The following EFNA2 variants were observed in gnomAD, a reference collection of about 807,000 sequenced individuals.
The protein encoded by EFNA2 is ephrin-A2.
EFNA2 carries 18 observed loss-of-function variants against 19.7 expected under a neutral mutation model. That is an observed-to-expected ratio of 0.91 (90% CI 0.63 to 1.35). The LOEUF is 1.35. Among genes scored for constraint, EFNA2 ranks in the 40% most tolerant of loss-of-function variants. The probability of loss-of-function intolerance (pLI) is 0.00; values close to 1 mark genes in which losing one functional copy is unlikely to be tolerated. For synonymous variants in EFNA2, 187 were observed against 137.8 expected (o/e 1.36, Z -2.50); for missense variants, 303 against 296.0 (o/e 1.02, Z -0.17).
In EFNA2 at chr19:1,294,663, TGA is replaced by T. The variant is rs2144620019; in HGVS notation, c.141-874_141-873del. Among the ~76,000 whole-genome samples the T allele has an allele frequency of 7.4e-6, 1 of 135,660 alleles. No homozygotes were observed. The highest frequency in any genetic ancestry group is 2.2e-4 in the South Asian group (1 of 4,448). 89.0% of individuals were successfully genotyped at this position (135,660 alleles called of 152,430 possible). ...GGGCGGCAGGTGGAACTCGGCAGGC[TGA>T]GAGAGAGGGGGCGGTGGGCGGAACT... On this transcript the variant is annotated intron_variant, in intron 1 of 3. Transcript: ENST00000215368. This position sits in a 1 kb window ranked among gnomAD's most constrained non-coding sequence, Gnocchi z 5.8.
At position 1,286,900 on chromosome 19, in the gene EFNA2, G is replaced by C. The variant is rs970147255; in HGVS notation, c.140+592G>C. On this transcript the variant is annotated intron_variant, in intron 1 of 3. Transcript: ENST00000215368. This position sits in a 1 kb window ranked among gnomAD's most constrained non-coding sequence, Gnocchi z 5.6. ...GAGACTGAGGGGCCGGGGAGCTGGG[G>C]GTCAGCCCCGGGAGGGGCAGTGGGA... is the stretch of plus-strand genomic sequence containing the variant. Among the ~76,000 whole-genome samples the C allele has an allele frequency of 6.6e-6, 1 of 152,208 alleles. No individual in the cohort carries two copies. Among genetic ancestry groups the C allele is most frequent in the Non-Finnish European group, 1.5e-5 (1 of 68,032 alleles).
At chr19:1,289,815 C>A (rs1366136930) in intron 1 of EFNA2, among the ~76,000 whole-genome samples, 3 of 152,152 alleles carry the variant, frequency 2.0e-5, no homozygotes, top group Non-Finnish European at 4.4e-5. Context: ...AACGGGGTGT[C>A]TCGCTCCCCG....
rs2081510255 is a variant in EFNA2 at position 1,295,582 on chromosome 19, A to G, written c.178A>G (p.Thr60Ala). The change falls in exon 2 of 4, where the codon ACG becomes GCG. Residue 60 changes from threonine to alanine, a missense_variant. Physicochemically the swap from Thr to Ala is moderately conservative, Grantham distance 58. Transcript: ENST00000215368. The surrounding 1 kb of genome is among the most constrained non-coding windows in gnomAD (Gnocchi z 5.8). ...AGAGDDGGGYTVEVSINDYLD... is the reference protein window; with the variant it reads ...AGAGDDGGGYAVEVSINDYLD... ...CGCGGGGGACGACGGCGGGGGCTAC[A>G]CGGTGGAGGTGAGCATCAATGACTA... 1.9e-6 allele frequency: 3 copies of G among 1,606,998 alleles called. No individual in the cohort carries two copies. The African/African-American group carries it at 4.0e-5, about 22-fold the overall frequency.
upstream of EFNA2, among the ~76,000 whole-genome samples, chr19:1,285,162 C>T (rs958959295): frequency 6.6e-6 from 1 of 152,228 alleles, no homozygotes; most frequent in Non-Finnish European, 1.5e-5. The surrounding 1 kb of genome is among the most constrained non-coding windows in gnomAD (Gnocchi z 4.1). Context: ...AGAAATCACT[C>T]GGCGTTCCCT....
Position 1,296,352 on chromosome 19 carries a change from C to T in EFNA2, c.454+494C>T, listed in dbSNP as rs988859364. Reference sequence around the variant, plus strand: ...CACTGATGAGGGAAACTGAGGCATCCGGAGCCCAGCAGGGGAGGGGAGCTT... The same window carrying T: ...CACTGATGAGGGAAACTGAGGCATCTGGAGCCCAGCAGGGGAGGGGAGCTT... On this transcript the variant is annotated intron_variant, in intron 2 of 3. Coordinates refer to ENST00000215368, the MANE Select transcript of EFNA2 (RefSeq NM_001405.4). The surrounding 1 kb of genome is among the most constrained non-coding windows in gnomAD (Gnocchi z 4.4). Among the ~76,000 whole-genome samples the T allele has an allele frequency of 5.3e-5, 8 of 152,134 alleles. No homozygotes were observed. Among genetic ancestry groups the T allele is most frequent in the Admixed American group, 2.0e-4 (3 of 15,276 alleles).
chr19:1,289,702 G>A (rs2081482424), intron 1 of EFNA2, among the ~76,000 whole-genome samples: 2 of 152,204 alleles, frequency 1.3e-5, no homozygotes, highest in African/African-American at 4.8e-5. Flanking sequence ...CCTCGGGTGT[G>A]GGCAGCAGCC....
At chr19:1,298,472 T>C in intron 2 of EFNA2, 79 bp from the exon 3 acceptor site, 4 of 1,470,946 alleles carry the variant, frequency 2.7e-6, no homozygotes, top group Non-Finnish European at 3.8e-6. Flanking sequence ...TTCACCAAGG[T>C]GGGGAAGGGA....
In EFNA2 at chr19:1,287,985, C is replaced by T. The variant is rs551468880; in HGVS notation, c.140+1677C>T. 5.8e-4 allele frequency among the ~76,000 whole-genome samples: 88 copies of T among 152,382 alleles called. No homozygotes were observed. The highest frequency in any genetic ancestry group is 1.9e-3 in the African/African-American group (81 of 41,590). On this transcript the variant is annotated intron_variant, in intron 1 of 3. Coordinates refer to ENST00000215368, the MANE Select transcript of EFNA2 (RefSeq NM_001405.4). The surrounding 1 kb of genome is among the most constrained non-coding windows in gnomAD (Gnocchi z 6.2). ...CCGGCCAGGGGAAGGAAGTGGCCTC[C>T]CCAGTGCCTGGCTTGGCCCAGCCAC... is the stretch of plus-strand genomic sequence containing the variant.
intron 1 of EFNA2, among the ~76,000 whole-genome samples, chr19:1,292,171 C>T (rs1242206197): frequency 6.6e-6 from 1 of 152,200 alleles, no homozygotes; most frequent in East Asian, 1.9e-4. Flanking sequence ...CCCCTGCAGG[C>T]GCCACCCTCA....
intron 1 of EFNA2, among the ~76,000 whole-genome samples, chr19:1,290,482 G>T (rs540732361): frequency 6.6e-6 from 1 of 152,332 alleles, no homozygotes; most frequent in Admixed American, 6.5e-5. Flanking sequence ...CCGCAGGTCT[G>T]CAGGGGACTG....
intron 1 of EFNA2, among the ~76,000 whole-genome samples, chr19:1,291,511 G>A (rs930563799): frequency 4.6e-5 from 7 of 152,036 alleles, no homozygotes; most frequent in African/African-American, 1.7e-4. Flanking sequence ...AGGAGGGGAC[G>A]GGCGGCCTCA....
rs545975755 is a variant in EFNA2, at chr19:1,287,566, C to T, written c.140+1258C>T. On this transcript the variant is annotated intron_variant, in intron 1 of 3. Coordinates refer to ENST00000215368, the MANE Select transcript of EFNA2 (RefSeq NM_001405.4). This position sits in a 1 kb window ranked among gnomAD's most constrained non-coding sequence, Gnocchi z 6.2. ...AGGCGGGCTCGGGGACAAGGGCGGCCCGTGTTCCGCCGTGGGGGTGGGGAA... is the reference window on the plus strand; with the variant it reads ...AGGCGGGCTCGGGGACAAGGGCGGCTCGTGTTCCGCCGTGGGGGTGGGGAA... Among the ~76,000 whole-genome samples the T allele has an allele frequency of 2.6e-5, 4 of 152,234 alleles. No homozygotes were observed. In the South Asian group the frequency reaches 8.3e-4, roughly 32 times the overall value.
chr19:1,288,719 C>T (rs1335345563), intron 1 of EFNA2, among the ~76,000 whole-genome samples: 3 of 152,014 alleles, frequency 2.0e-5, no homozygotes, highest in South Asian at 2.1e-4. Flanking sequence ...CTGTGAGAGG[C>T]GATGCCTGCA....
At chr19:1,285,510 CTG>C (rs1386546478), upstream of EFNA2, among the ~76,000 whole-genome samples, 3 of 152,142 alleles carry the variant, frequency 2.0e-5, no homozygotes, top group African/African-American at 7.2e-5. This position sits in a 1 kb window ranked among gnomAD's most constrained non-coding sequence, Gnocchi z 4.1. Context: ...CGCAGGGAGA[CTG>C]GAGTTGGCCG....
At chr19:1,291,129 C>T (rs1017091139) in intron 1 of EFNA2, among the ~76,000 whole-genome samples, 5 of 152,172 alleles carry the variant, frequency 3.3e-5, no homozygotes, top group Admixed American at 1.3e-4. Flanking sequence ...GGGGCCGGCC[C>T]GGGGGAAGCC....
Position 1,294,080 on chromosome 19 carries a change from A to G in EFNA2, c.141-1465A>G, listed in dbSNP as rs1482800943. 6.6e-6 allele frequency among the ~76,000 whole-genome samples: 1 copy of G among 152,218 alleles called. No homozygotes were observed. Among genetic ancestry groups the G allele is most frequent in the Non-Finnish European group, 1.5e-5 (1 of 68,022 alleles). On this transcript the variant is annotated intron_variant, in intron 1 of 3. Coordinates refer to ENST00000215368, the MANE Select transcript of EFNA2 (RefSeq NM_001405.4). This position sits in a 1 kb window ranked among gnomAD's most constrained non-coding sequence, Gnocchi z 5.8. ...CAGGGCCGGGATCGTAGCAGCCTGCACCCATGTGCTGCCAACACTGGTGGG... is the reference window on the plus strand; with the variant it reads ...CAGGGCCGGGATCGTAGCAGCCTGCGCCCATGTGCTGCCAACACTGGTGGG...
rs753746704 is a variant in EFNA2, at chr19:1,295,650, G to A, written c.246G>A (p.Pro82=). ...CGCACTATGGGGCGCCGCTGCCGCCGGCCGAGCGCATGGAGCACTACGTGC... is the reference window on the plus strand; with the variant it reads ...CGCACTATGGGGCGCCGCTGCCGCCAGCCGAGCGCATGGAGCACTACGTGC... ...YCPHYGAPLP[P]AERMEHYVLY... The change falls in exon 2 of 4, where the codon CCG becomes CCA. Residue 82 remains proline (P), a synonymous_variant. Coordinates refer to ENST00000215368, the MANE Select transcript of EFNA2 (RefSeq NM_001405.4). The surrounding 1 kb of genome is among the most constrained non-coding windows in gnomAD (Gnocchi z 5.8). The A allele has an allele frequency of 6.2e-7, 1 of 1,611,706 alleles. No individual in the cohort carries two copies. The highest frequency in any genetic ancestry group is 2.2e-5 in the East Asian group (1 of 44,800).
chr19:1,285,528 G>T (rs574293494), upstream of EFNA2, among the ~76,000 whole-genome samples: 1 of 152,156 alleles, frequency 6.6e-6, no homozygotes, highest in Non-Finnish European at 1.5e-5. This position sits in a 1 kb window ranked among gnomAD's most constrained non-coding sequence, Gnocchi z 4.1. Flanking sequence ...GGCCGAGCCC[G>T]ATTTGGGACG....
intron 1 of EFNA2, among the ~76,000 whole-genome samples, chr19:1,290,225 G>T (rs894682496): frequency 3.9e-4 from 59 of 152,272 alleles, no homozygotes; most frequent in African/African-American, 1.4e-3. Context: ...GGGAAACCGA[G>T]GCAGCTCCTG....
Sources: allele counts gnomAD v4.1 joint callset (sites outside exome capture counted in the v4.1 genomes callset), GRCh38; gene constraint gnomAD v4.1.1; non-coding constraint Gnocchi (gnomAD v3.1); transcripts MANE v1.5; gene names NCBI Gene and HGNC (gene_info 2026-07-23, HGNC 2026-07-21).